ZBTB8OS: variants seen among roughly 807,000 people sequenced by gnomAD.
ZBTB8OS encodes tRNA splicing ligase complex subunit 1, also known as tRNA-splicing ligase-activating factor archease.
A neutral mutation model predicts 29.3 loss-of-function variants in ZBTB8OS; 16 were observed. That is an observed-to-expected ratio of 0.55 (90% CI 0.37 to 0.83). The LOEUF (loss-of-function observed/expected upper bound fraction) is 0.83, where lower values mean the gene tolerates loss of function less well. Among genes scored for constraint, ZBTB8OS ranks in the 40% least tolerant of loss-of-function variants. The pLI, the probability that ZBTB8OS is intolerant of heterozygous loss-of-function variation, is 0.00. For synonymous variants in ZBTB8OS, 70 were observed against 64.6 expected, an observed-to-expected ratio of 1.08 and a Z score of -0.40; for missense variants, 160 against 196.9, an observed-to-expected ratio of 0.81 and a Z score of 1.12.
chr1:32,626,787 G>T (rs527751895), intron 6 of ZBTB8OS, among the ~76,000 whole-genome samples: 1 of 152,260 alleles, frequency 6.6e-6, no homozygotes, highest in African/African-American at 2.4e-5. Flanking sequence ...GACCTAAAGC[G>T]ATCTGCCTGC....
chr1:32,627,722 G>A, intron 5 of ZBTB8OS, 178 bp from the exon 6 acceptor site: 1 of 610,450 alleles, frequency 1.6e-6, no homozygotes, highest in South Asian at 2.0e-5. Flanking sequence ...CGTGTGTGCA[G>A]TGTCATCATT....
chr1:32,624,124 C>T (rs904350522), intron 6 of ZBTB8OS, among the ~76,000 whole-genome samples: 2 of 152,216 alleles, frequency 1.3e-5, no homozygotes, highest in Non-Finnish European at 2.9e-5. Flanking sequence ...TCTCCCCAGC[C>T]ATGCTGAACT....
chr1:32,634,673 G>A, intron 2 of ZBTB8OS, 95 bp downstream of exon 2: 1 of 1,515,840 alleles, frequency 6.6e-7, no homozygotes, highest in Non-Finnish European at 9.2e-7. Flanking sequence ...GAACCAAAAT[G>A]AGAGGAGAAA....
In ZBTB8OS at chr1:32,621,960, G is replaced by GTT; in HGVS notation, c.418-14_418-13dup. 7.1e-7 allele frequency: 1 copy of GTT among 1,408,546 alleles called. No individual in the cohort carries two copies. The highest frequency in any genetic ancestry group is 9.6e-7 in the Non-Finnish European group (1 of 1,044,556). The allele number at this position is 1,408,546 out of a possible 1,614,324, so 87.3% of individuals were successfully genotyped here. ...TTGACTTCTGTTCCCTAAAGTTGGG[G>GTT]TTAGAGAAAAAAAAAAAAAAAAGGA... is the stretch of plus-strand genomic sequence containing the variant. On this transcript the variant is annotated splice_polypyrimidine_tract_variant and intron_variant, in intron 6 of 6. Coordinates refer to ENST00000468695, the MANE Select transcript of ZBTB8OS (RefSeq NM_178547.5).
Position 32,633,712 on chromosome 1 carries a change from G to A in ZBTB8OS, c.260C>T (p.Ser87Phe), listed in dbSNP as rs775482761. ...TTCATCCAAAAAGTGAAACAGAAGA[G>A]ACTGTAAGTCATCTCCTACACAAGA... ...EVETQGDDLQ[S>F]LLFHFLDEWL... The change falls in exon 4 of 7, where the codon TCT becomes TTT. Residue 87 changes from serine (S) to phenylalanine (F), a missense_variant. Coordinates refer to ENST00000468695, the MANE Select transcript of ZBTB8OS (RefSeq NM_178547.5). The A allele has an allele frequency of 6.2e-7, 1 of 1,607,126 alleles. No individual in the cohort carries two copies. The highest frequency in any genetic ancestry group is 8.5e-7 in the Non-Finnish European group (1 of 1,177,696).
Position 32,633,445 on chromosome 1 carries a change from C to A in ZBTB8OS, c.327+200G>T, listed in dbSNP as rs926035262. The A allele has an allele frequency of 4.1e-5, 21 of 513,960 alleles. No homozygotes were observed. In the Admixed American group the frequency reaches 5.0e-4, roughly 12 times the overall value. 31.8% of individuals were successfully genotyped at this position (513,960 alleles called of 1,614,324 possible). Reference sequence around the variant, plus strand: ...CTGATTAGTGACAAATACATGAGATCTAAATACGAAATGTTCCCACATAGG... The same window carrying A: ...CTGATTAGTGACAAATACATGAGATATAAATACGAAATGTTCCCACATAGG... On this transcript the variant is annotated intron_variant, in intron 4 of 6. Coordinates refer to ENST00000468695, the MANE Select transcript of ZBTB8OS (RefSeq NM_178547.5).
At chr1:32,627,235 G>T (rs1267333618) in intron 6 of ZBTB8OS, among the ~76,000 whole-genome samples, 1 of 152,130 alleles carries the variant, frequency 6.6e-6, no homozygotes, top group African/African-American at 2.4e-5. Flanking sequence ...TATTATAGGA[G>T]AAGAAATAAA....
At chr1:32,649,633 A>ACACACACAC (rs1446311379) in intron 1 of ZBTB8OS, among the ~76,000 whole-genome samples, 8 of 54,118 alleles carry the variant, frequency 1.5e-4, no homozygotes, top group Non-Finnish European at 2.5e-4. Flanking sequence ...CATCTCTAAA[A>ACACACACAC]ACACACACAC....
intron 6 of ZBTB8OS, among the ~76,000 whole-genome samples, chr1:32,622,412 G>A (rs77253992): frequency 0.066 from 10,084 of 152,230 alleles, 1,104 homozygotes; most frequent in African/African-American, 0.23. Context: ...ATGAGATCAT[G>A]TTCTTTGCAA....
intron 2 of ZBTB8OS, 56 bp downstream of exon 2, chr1:32,634,712 A>C (rs1570584062): frequency 1.9e-6 from 3 of 1,609,282 alleles, no homozygotes; most frequent in East Asian, 2.2e-5. Flanking sequence ...CAAGATTGAA[A>C]CATTCAGTCT....
At chr1:32,634,416 G>C in intron 2 of ZBTB8OS, 1 of 329,168 alleles carries the variant, frequency 3.0e-6, no homozygotes, top group East Asian at 5.1e-5. Flanking sequence ...TAGTAGAGAC[G>C]GGGTTTTACC....
intron 1 of ZBTB8OS, among the ~76,000 whole-genome samples, chr1:32,649,796 C>T (rs1647179498): frequency 1.3e-5 from 2 of 151,990 alleles, no homozygotes; most frequent in Non-Finnish European, 2.9e-5. Context: ...TCCCGAGTAG[C>T]TGGGATTACA....
chr1:32,626,532 T>C (rs1645145105), intron 6 of ZBTB8OS, among the ~76,000 whole-genome samples: 1 of 152,134 alleles, frequency 6.6e-6, no homozygotes, highest in Non-Finnish European at 1.5e-5. Flanking sequence ...GAGTGATTTT[T>C]ACATCTTTAT....
intron 2 of ZBTB8OS, 121 bp downstream of exon 2, chr1:32,634,647 T>C (rs1645817177): frequency 1.5e-6 from 2 of 1,328,816 alleles, no homozygotes; most frequent in Non-Finnish European, 2.2e-6. Context: ...CAAACCATCA[T>C]TTTCATATTG....
chr1:32,627,087 T>C (rs1645181302), intron 6 of ZBTB8OS, among the ~76,000 whole-genome samples: 1 of 152,100 alleles, frequency 6.6e-6, no homozygotes, highest in South Asian at 2.1e-4. Context: ...ATCTGTCCAT[T>C]TTACAGAAAA....
intron 6 of ZBTB8OS, 102 bp downstream of exon 6, chr1:32,627,406 C>CA: frequency 9.8e-7 from 1 of 1,019,176 alleles, no homozygotes; most frequent in Non-Finnish European, 1.5e-6. Flanking sequence ...AAAAACTTAT[C>CA]ACTTTACACC....
At chr1:32,640,787 T>C (rs1646331962) in intron 1 of ZBTB8OS, among the ~76,000 whole-genome samples, 2 of 152,030 alleles carry the variant, frequency 1.3e-5, no homozygotes, top group Admixed American at 1.3e-4. Context: ...GAGATTAAGC[T>C]CATCAGGCCT....
At position 32,621,808 on chromosome 1, in the gene ZBTB8OS, A is replaced by C; in HGVS notation, c.*54T>G. ...ATTTAATTCATAGTGTCTTCTCAAA[A>C]GGAAGAGGAAAACAAAAACAGTTCT... is the stretch of plus-strand genomic sequence containing the variant. On this transcript the variant is annotated 3_prime_UTR_variant, in exon 7 of 7. Transcript: ENST00000468695. 1 of 1,236,188 alleles carries C rather than the reference A, an allele frequency of 8.1e-7. No individual in the cohort carries two copies. Among genetic ancestry groups the C allele is most frequent in the South Asian group, 1.3e-5 (1 of 75,564 alleles). The allele number at this position is 1,236,188 out of a possible 1,614,324, so 76.6% of individuals were successfully genotyped here.
chr1:32,630,307 G>A (rs1383053692), intron 5 of ZBTB8OS, among the ~76,000 whole-genome samples: 1 of 150,860 alleles, frequency 6.6e-6, no homozygotes, highest in Non-Finnish European at 1.5e-5. Context: ...CAGGAGAATC[G>A]CTTGAACTCT....
Sources: allele counts gnomAD v4.1 joint callset (sites outside exome capture counted in the v4.1 genomes callset), GRCh38; gene constraint gnomAD v4.1.1; transcripts MANE v1.5; gene names NCBI Gene and HGNC (gene_info 2026-07-23, HGNC 2026-07-21).